Variants in ESRRG observed in about 807,000 individuals in gnomAD.
ESRRG encodes estrogen related receptor gamma.
A neutral mutation model predicts 44.0 loss-of-function variants in ESRRG; 13 were observed. The observed-to-expected ratio is 0.30, with a 90% CI of 0.19 to 0.47. ESRRG has a LOEUF of 0.47. Ranked by LOEUF, ESRRG falls within the 20% of genes least tolerant of loss-of-function variation. The probability of loss-of-function intolerance (pLI) is 1.00; values close to 1 mark genes in which losing one functional copy is unlikely to be tolerated. For synonymous variants in ESRRG, 215 were observed against 214.6 expected (o/e 1.00, Z -0.02); for missense variants, 395 against 580.6 (o/e 0.68, Z 3.29).
intron 2 of ESRRG, among the ~76,000 whole-genome samples, chr1:216,880,342 T>C (rs1350712595): frequency 9.2e-6 from 1 of 109,062 alleles, no homozygotes; most frequent in Admixed American, 9.1e-5. Context: ...AAAGTTTTCA[T>C]GCACCTTAAA....
At chr1:216,521,818 C>A (rs2046167417) in intron 5 of ESRRG, among the ~76,000 whole-genome samples, 1 of 151,996 alleles carries the variant, frequency 6.6e-6, no homozygotes, top group South Asian at 2.1e-4. Context: ...TTCTTATCTG[C>A]CTGATTAATA....
At chr1:216,823,363 T>G (rs183193247) in intron 2 of ESRRG, among the ~76,000 whole-genome samples, 71 of 152,292 alleles carry the variant, frequency 4.7e-4, no homozygotes, top group African/African-American at 1.6e-3. Context: ...GTATATAAGG[T>G]TGCATAAAAT....
At chr1:216,681,898 C>T (rs1294045238) in intron 1 of ESRRG, 1 of 152,114 alleles carries the variant, frequency 6.6e-6, no homozygotes, top group African/African-American at 2.4e-5. Flanking sequence ...CTACCTACAT[C>T]CAGGTAAATG....
chr1:216,987,643 G>C (rs1002028344), intron 1 of ESRRG, among the ~76,000 whole-genome samples: 1 of 152,162 alleles, frequency 6.6e-6, no homozygotes, highest in African/African-American at 2.4e-5. Context: ...TACCCTATGA[G>C]CTTAAGTCCA....
chr1:216,984,055 GGGTATGTGGA>G (rs2074459282), intron 1 of ESRRG, among the ~76,000 whole-genome samples: 1 of 149,616 alleles, frequency 6.7e-6, no homozygotes, highest in Non-Finnish European at 1.5e-5. Context: ...GAATGGGGGG[GGGTATGTGGA>G]GGCTCAAGCA....
intron 3 of ESRRG, among the ~76,000 whole-genome samples, chr1:216,592,822 T>A (rs2150027028): frequency 6.6e-6 from 1 of 152,350 alleles, no homozygotes; most frequent in Middle Eastern, 3.4e-3. Context: ...CTTGTTATAA[T>A]CTGGCAGAGG....
intron 3 of ESRRG, among the ~76,000 whole-genome samples, chr1:216,624,768 A>T (rs1358994878): frequency 6.6e-6 from 1 of 152,150 alleles, no homozygotes; most frequent in Admixed American, 6.5e-5. Flanking sequence ...ACACCCCATT[A>T]TTACCTAAAA....
At chr1:216,687,842 TG>T (rs1348610828) in intron 1 of ESRRG, among the ~76,000 whole-genome samples, 3 of 152,228 alleles carry the variant, frequency 2.0e-5, no homozygotes, top group African/African-American at 7.2e-5. Context: ...TGTGAAATTT[TG>T]TTGAAATCAG....
At chr1:216,639,160 T>C (rs1241274296) in intron 3 of ESRRG, among the ~76,000 whole-genome samples, 1 of 152,016 alleles carries the variant, frequency 6.6e-6, no homozygotes, top group East Asian at 1.9e-4. Context: ...GAGGGGACCA[T>C]TATAGAAGTC....
intron 2 of ESRRG, among the ~76,000 whole-genome samples, chr1:216,764,641 G>A (rs1033267124): frequency 6.6e-6 from 1 of 152,002 alleles, no homozygotes; most frequent in African/African-American, 2.4e-5. Context: ...GGGACTATAG[G>A]TGTGTGCTGC....
chr1:216,675,707 A>T, intron 2 of ESRRG, among the ~76,000 whole-genome samples: 1 of 152,166 alleles, frequency 6.6e-6, no homozygotes, highest in Admixed American at 6.5e-5. Flanking sequence ...TGTTTGAGTT[A>T]ATACAGGATG....
chr1:217,064,569 CT>C (rs1210984705), intron 1 of ESRRG, among the ~76,000 whole-genome samples: 3 of 152,302 alleles, frequency 2.0e-5, no homozygotes, highest in African/African-American at 7.2e-5. Context: ...TTTAATTCAC[CT>C]GCTTTTCAGG....
intron 2 of ESRRG, among the ~76,000 whole-genome samples, chr1:216,773,285 T>C (rs1341328060): frequency 6.6e-6 from 1 of 152,176 alleles, no homozygotes. Context: ...ATGGAATTCA[T>C]GCATTTTGCA....
intron 5 of ESRRG, among the ~76,000 whole-genome samples, chr1:216,556,453 C>T (rs2057596356): frequency 6.6e-6 from 1 of 152,162 alleles, no homozygotes. Flanking sequence ...AAATCCTCAG[C>T]ACTCAGGAAT....
intron 1 of ESRRG, among the ~76,000 whole-genome samples, chr1:216,940,452 G>A (rs1376828629): frequency 6.6e-6 from 1 of 152,196 alleles, no homozygotes; most frequent in Non-Finnish European, 1.5e-5. Flanking sequence ...GGGAAATTCT[G>A]TGCCGAACTT....
At chr1:217,085,560 G>T (rs973314316) in intron 1 of ESRRG, among the ~76,000 whole-genome samples, 2 of 128,308 alleles carry the variant, frequency 1.6e-5, no homozygotes, top group Non-Finnish European at 3.2e-5. Context: ...GCGCCATCTC[G>T]GCTGACTGCT....
chr1:216,571,305 T>C (rs73089930), intron 3 of ESRRG, among the ~76,000 whole-genome samples: 2,413 of 152,176 alleles, frequency 0.016, 66 homozygotes, highest in African/African-American at 0.056. Flanking sequence ...TAGTTGGGTG[T>C]AGTTGTGGGC....
chr1:216,580,392 T>A lies in ESRRG; in HGVS notation c.590-12294A>T, dbSNP rs373019713. ...GAAGATAACAACATATCATGAAGCATTGAAGAAAAAAAAGGAGTTGGCTGA... is the reference window on the plus strand; with the variant it reads ...GAAGATAACAACATATCATGAAGCAATGAAGAAAAAAAAGGAGTTGGCTGA... On this transcript the variant is annotated intron_variant, in intron 3 of 6. Coordinates refer to ENST00000408911, the MANE Select transcript of ESRRG (RefSeq NM_001438.4). Among the ~76,000 whole-genome samples, 12 of 152,206 alleles carry A rather than the reference T, an allele frequency of 7.9e-5. No homozygotes were observed. The South Asian group carries it at 1.5e-3, about 18-fold the overall frequency.
At chr1:216,645,159 C>T (rs1389497941) in intron 3 of ESRRG, among the ~76,000 whole-genome samples, 3 of 152,172 alleles carry the variant, frequency 2.0e-5, no homozygotes, top group Non-Finnish European at 4.4e-5. Flanking sequence ...TCTACTGTGC[C>T]TTCAACTCTC....
Sources: allele counts gnomAD v4.1 joint callset (sites outside exome capture counted in the v4.1 genomes callset), GRCh38; gene constraint gnomAD v4.1.1; transcripts MANE v1.5; gene names NCBI Gene and HGNC (gene_info 2026-07-23, HGNC 2026-07-21).